The following LHFPL2 variants were observed in gnomAD, a reference collection of about 807,000 sequenced individuals.
LHFPL2 encodes the protein LHFPL tetraspan subfamily member 2 protein.
A neutral mutation model predicts 17.5 loss-of-function variants in LHFPL2; 7 were observed. The ratio of observed to expected loss-of-function variants is 0.40; its 90% CI spans 0.23 to 0.75. The LOEUF (loss-of-function observed/expected upper bound fraction) is 0.75, where lower values mean the gene tolerates loss of function less well. LHFPL2 is among the 30% of genes least tolerant of loss of function. LHFPL2 has a pLI of 0.37. For synonymous variants in LHFPL2, 134 were observed against 116.2 expected, an observed-to-expected ratio of 1.15 and a Z score of -0.99; for missense variants, 241 against 294.8, an observed-to-expected ratio of 0.82 and a Z score of 1.34.
In LHFPL2 at chr5:78,534,643, G is replaced by A. The variant is rs116411960; in HGVS notation, c.-185-24245C>T. On this transcript the variant is annotated intron_variant, in intron 3 of 4. Transcript: ENST00000380345. ...TCCCTCCTTCCCATGTCACTGAAGC[G>A]GCTCCAGGTCCTTGAGGGAAGCAAT... is the stretch of plus-strand genomic sequence containing the variant. Among the ~76,000 whole-genome samples the A allele has an allele frequency of 3.5e-3, 539 of 152,280 alleles. 5 individuals are homozygous for A. The highest frequency in any genetic ancestry group is 0.012 in the African/African-American group (513 of 41,562).
Position 78,596,416 on chromosome 5 carries a change from T to A in LHFPL2, c.-244-31545A>T, listed in dbSNP as rs547018015. Among the ~76,000 whole-genome samples the A allele has an allele frequency of 4.6e-5, 7 of 152,338 alleles. No individual in the cohort carries two copies. The South Asian group carries it at 1.4e-3, about 32-fold the overall frequency. On this transcript the variant is annotated intron_variant, in intron 2 of 4. Transcript: ENST00000380345. ...ATGAACGAATCAATGAACATTTGAA[T>A]GAAATAGCCCTGGGATCACAAAGTT...
chr5:78,573,212 TG>T (rs1276640574), intron 2 of LHFPL2, among the ~76,000 whole-genome samples: 1 of 152,188 alleles, frequency 6.6e-6, no homozygotes, highest in Non-Finnish European at 1.5e-5. Context: ...TTGTCTACCA[TG>T]GTGGGTGCAA....
At chr5:78,555,221 G>A (rs1756541036) in intron 3 of LHFPL2, among the ~76,000 whole-genome samples, 1 of 152,186 alleles carries the variant, frequency 6.6e-6, no homozygotes. Context: ...ACATTAGACA[G>A]TATTCTAGGC....
intron 3 of LHFPL2, among the ~76,000 whole-genome samples, chr5:78,540,289 G>C (rs774657691): frequency 6.6e-6 from 1 of 152,154 alleles, no homozygotes; most frequent in Non-Finnish European, 1.5e-5. Flanking sequence ...TCACTGTCTT[G>C]TTTGTTTGTT....
intron 2 of LHFPL2, among the ~76,000 whole-genome samples, chr5:78,604,252 C>T (rs1004119917): frequency 1.3e-4 from 19 of 151,960 alleles, no homozygotes; most frequent in African/African-American, 3.6e-4. Context: ...CCGAGGCAGG[C>T]GGATCACCTG....
At chr5:78,601,227 C>G (rs982502324) in intron 2 of LHFPL2, among the ~76,000 whole-genome samples, 1 of 152,078 alleles carries the variant, frequency 6.6e-6, no homozygotes, top group Non-Finnish European at 1.5e-5. Flanking sequence ...ATATTTGGAC[C>G]CTTGACTTCT....
At chr5:78,508,003 G>GTT (rs1754985948) in intron 4 of LHFPL2, among the ~76,000 whole-genome samples, 2 of 151,666 alleles carry the variant, frequency 1.3e-5, no homozygotes, top group African/African-American at 4.8e-5. Context: ...TGTGTCCAAG[G>GTT]AGAATAAAGC....
chr5:78,554,177 T>A (rs1474997019), intron 3 of LHFPL2, among the ~76,000 whole-genome samples: 1 of 152,250 alleles, frequency 6.6e-6, no homozygotes, highest in African/African-American at 2.4e-5. Flanking sequence ...CTTACGACAG[T>A]GCAAGGGGCA....
intron 2 of LHFPL2, among the ~76,000 whole-genome samples, chr5:78,589,139 G>C (rs984249523): frequency 1.3e-5 from 2 of 152,118 alleles, no homozygotes; most frequent in East Asian, 3.9e-4. Context: ...TTGCCATTGA[G>C]ATACAAAGTG....
intron 2 of LHFPL2, among the ~76,000 whole-genome samples, chr5:78,583,407 G>T (rs1743226327): frequency 6.6e-6 from 1 of 151,056 alleles, no homozygotes; most frequent in Non-Finnish European, 1.5e-5. Flanking sequence ...GCATGATTTT[G>T]CAGCGGCTGG....
At chr5:78,591,015 AT>A in intron 2 of LHFPL2, among the ~76,000 whole-genome samples, 1 of 146,288 alleles carries the variant, frequency 6.8e-6, no homozygotes, top group African/African-American at 2.4e-5. Flanking sequence ...AAATATTTCT[AT>A]TTTTTTGCCA....
intron 1 of LHFPL2, among the ~76,000 whole-genome samples, chr5:78,639,416 A>C (rs923813859): frequency 2.6e-5 from 4 of 152,246 alleles, no homozygotes; most frequent in Non-Finnish European, 5.9e-5. Context: ...GATTCAGATC[A>C]AAAATGACTT....
At chr5:78,554,169 T>C (rs1373935612) in intron 3 of LHFPL2, among the ~76,000 whole-genome samples, 3 of 152,262 alleles carry the variant, frequency 2.0e-5, no homozygotes, top group African/African-American at 7.2e-5. Context: ...GTTGAAAACT[T>C]ACGACAGTGC....
intron 3 of LHFPL2, among the ~76,000 whole-genome samples, chr5:78,532,530 C>T (rs1029027878): frequency 6.6e-6 from 1 of 152,160 alleles, no homozygotes. Flanking sequence ...GAAGCTAACA[C>T]CGTAGTCCAC....
At position 78,563,069 on chromosome 5, in the gene LHFPL2, C is replaced by T. The variant is rs1262268050; in HGVS notation, c.-186+1744G>A. Among the ~76,000 whole-genome samples, 3 of 152,212 alleles carry T rather than the reference C, an allele frequency of 2.0e-5. No individual in the cohort carries two copies. In the East Asian group the frequency reaches 5.8e-4, roughly 29 times the overall value. On this transcript the variant is annotated intron_variant, in intron 3 of 4. Transcript: ENST00000380345. The stretch of plus-strand genomic sequence containing the variant: ...CCTGCTTCCACTCAGGCAGACAGTG[C>T]CTGGGAGTAGAAATAAATGCCCCTC...
intron 2 of LHFPL2, among the ~76,000 whole-genome samples, chr5:78,602,914 C>T (rs957894842): frequency 5.6e-5 from 6 of 106,796 alleles, no homozygotes; most frequent in Admixed American, 2.7e-4. Flanking sequence ...TTGTTTGAGA[C>T]GGAGTCTTGC....
intron 4 of LHFPL2, among the ~76,000 whole-genome samples, chr5:78,498,964 T>A (rs144327509): frequency 6.6e-6 from 1 of 152,012 alleles, no homozygotes; most frequent in East Asian, 1.9e-4. Flanking sequence ...TGGTAAAGAG[T>A]GTTCCTATTC....
chr5:78,595,299 C>T (rs1482249352), intron 2 of LHFPL2, among the ~76,000 whole-genome samples: 2 of 152,350 alleles, frequency 1.3e-5, no homozygotes, highest in East Asian at 3.9e-4. Flanking sequence ...AACCAAACAT[C>T]TGAAATAATG....
chr5:78,559,778 A>G (rs1756674475), intron 3 of LHFPL2, among the ~76,000 whole-genome samples: 1 of 152,232 alleles, frequency 6.6e-6, no homozygotes, highest in Admixed American at 6.5e-5. Flanking sequence ...CGATGGTATA[A>G]ATGTATCCTA....
Sources: gnomAD v4.1 joint callset for allele counts (sites outside exome capture counted in the v4.1 genomes callset) on GRCh38, gnomAD v4.1.1 for gene constraint, MANE v1.5 for transcripts, NCBI Gene and HGNC (gene_info 2026-07-23, HGNC 2026-07-21) for gene names.